The following CLASRP variants were observed in gnomAD, a reference collection of about 807,000 sequenced individuals.
CLASRP encodes the protein CLK4-associating serine/arginine rich protein.
Under a neutral mutation model 99.9 loss-of-function variants are expected in CLASRP, and 52 were observed. The ratio of observed to expected loss-of-function variants is 0.52; its 90% CI spans 0.42 to 0.66. The LOEUF is 0.66. CLASRP is among the 30% of genes least tolerant of loss of function. CLASRP has a pLI of 0.00. For synonymous variants in CLASRP, 379 were observed against 373.0 expected (o/e 1.02, Z -0.18); for missense variants, 848 against 999.2 (o/e 0.85, Z 2.04).
rs1967201593 is a variant in CLASRP, at chr19:45,070,102, A to G, written c.1955A>G (p.Tyr652Cys). The G allele has an allele frequency of 6.4e-7, 1 of 1,560,652 alleles. No homozygotes were observed. Among genetic ancestry groups the G allele is most frequent in the South Asian group, 1.1e-5 (1 of 90,060 alleles). ...CAGAGCCGCTCACCCTCCCCCCGAT[A>G]CAGTGAGTGTCCCCACCAGGCTGCA... Reference protein sequence around the residue: ...SRQSRSPSPRYSREYSSSRRR... With the variant: ...SRQSRSPSPRCSREYSSSRRR... Residue 652 changes from tyrosine to cysteine, a missense_variant and splice_region_variant, in exon 19 of 21, where the codon TAC (tyrosine) becomes TGC (cysteine). Around this residue, in one of 8 missense-constraint regions of CLASRP, gnomAD observed 116 missense variants for 162.7 expected, o/e 0.71. Transcript: ENST00000221455.
chr19:45,040,918 T>G (rs558163157), intron 2 of CLASRP, among the ~76,000 whole-genome samples: 4 of 151,612 alleles, frequency 2.6e-5, no homozygotes, highest in African/African-American at 9.7e-5. Context: ...GCATGGAGAT[T>G]GTGCCACTGA....
At chr19:45,058,231 C>T (rs1164393817) in intron 7 of CLASRP, 4 of 326,096 alleles carry the variant, frequency 1.2e-5, no homozygotes, top group Non-Finnish European at 2.4e-5. Flanking sequence ...AACAAGTGTT[C>T]ATCCTCTTAC....
intron 13 of CLASRP, among the ~76,000 whole-genome samples, chr19:45,064,996 CG>C (rs1431254052): frequency 2.0e-5 from 3 of 151,808 alleles, no homozygotes; most frequent in Non-Finnish European, 4.4e-5. Context: ...CTTGAAGGGA[CG>C]GGTCCGGGCC....
Position 45,068,495 on chromosome 19 carries a change from G to A in CLASRP, c.1768+15G>A. 1 of 1,595,786 alleles carries A rather than the reference G, an allele frequency of 6.3e-7. No individual in the cohort carries two copies. The highest frequency in any genetic ancestry group is 1.1e-5 in the South Asian group (1 of 90,746). ...GAACAGGCAGTGTATGTTCTGCCCT[G>A]TCCCTCCAGGGTTTCACAGCTCTTC... On this transcript the variant is annotated intron_variant, in intron 16 of 20. Transcript: ENST00000221455.
At chr19:45,052,000 T>C (rs1047335138) in intron 2 of CLASRP, 71 bp from the exon 3 acceptor site, 2 of 1,175,632 alleles carry the variant, frequency 1.7e-6, no homozygotes, top group African/African-American at 1.6e-5. Flanking sequence ...GCTGCTAAGC[T>C]CGGTTGTGTG....
At chr19:45,063,717 TG>T (rs1360356581) in intron 11 of CLASRP, among the ~76,000 whole-genome samples, 4 of 152,248 alleles carry the variant, frequency 2.6e-5, no homozygotes, top group Non-Finnish European at 5.9e-5. Context: ...CCCACAGTGC[TG>T]GGATTACAGG....
At chr19:45,068,522 T>G (rs755322477) in intron 16 of CLASRP, 42 bp downstream of exon 16, 4 of 1,492,272 alleles carry the variant, frequency 2.7e-6, no homozygotes, top group Non-Finnish European at 3.7e-6. Flanking sequence ...CAGCTCTTCT[T>G]TCCCTTGGCA....
At position 45,064,509 on chromosome 19, in the gene CLASRP, C is replaced by T. The variant is rs1568420694; in HGVS notation, c.1288C>T (p.Arg430Trp). 5.2e-6 allele frequency: 8 copies of T among 1,536,950 alleles called. No homozygotes were observed. The highest frequency in any genetic ancestry group is 2.0e-5 in the Admixed American group (1 of 50,902). Residue 430 changes from arginine (R) to tryptophan (W), a missense_variant, in exon 13 of 21, where the codon CGG becomes TGG. Physicochemically the swap from Arg to Trp is moderately radical, Grantham distance 101 (BLOSUM62 -3). Coordinates refer to ENST00000221455, the MANE Select transcript of CLASRP (RefSeq NM_007056.3). The part of the protein sequence containing the change: ...RSWSRSRSRS[R>W]RYSRSRSRGR... ...CTGGTCCCGCTCCCGCTCCCGCTCCCGGCGCTATTCCCGGTCCCGTAGCCG... is the reference window on the plus strand; with the variant it reads ...CTGGTCCCGCTCCCGCTCCCGCTCCTGGCGCTATTCCCGGTCCCGTAGCCG...
At position 45,059,432 on chromosome 19, in the gene CLASRP, C is replaced by G. The variant is rs555648853; in HGVS notation, c.710+68C>G. 4.1e-5 allele frequency: 52 copies of G among 1,276,018 alleles called. No homozygotes were observed. In the African/African-American group the frequency reaches 7.2e-4, roughly 18 times the overall value. 79.0% of individuals were successfully genotyped at this position (1,276,018 alleles called of 1,614,324 possible). ...CACCCTGGCATCTCACTATTACTCC[C>G]GGTATTGACAGCCATCCTGTTTGTG... On this transcript the variant is annotated intron_variant, in intron 8 of 20. Coordinates refer to ENST00000221455, the MANE Select transcript of CLASRP (RefSeq NM_007056.3).
intron 7 of CLASRP, chr19:45,058,179 C>A: frequency 2.2e-6 from 1 of 461,912 alleles, no homozygotes; most frequent in Non-Finnish European, 4.0e-6. Flanking sequence ...CGGCCTCTCT[C>A]TGCCTTTGCC....
chr19:45,069,963 C>T (rs1484004063), intron 18 of CLASRP, 59 bp from the exon 19 acceptor site: 3 of 951,296 alleles, frequency 3.2e-6, no homozygotes, highest in South Asian at 1.3e-5. Flanking sequence ...AGCACCTGCC[C>T]TCCCTGAGTT....
intron 6 of CLASRP, among the ~76,000 whole-genome samples, chr19:45,057,318 G>A (rs1169928383): frequency 1.3e-5 from 2 of 152,324 alleles, no homozygotes; most frequent in East Asian, 1.9e-4. Flanking sequence ...TGTACTGGGA[G>A]CTTCTTGGAG....
chr19:45,070,861 G>C lies in CLASRP; in HGVS notation c.*16G>C, dbSNP rs574214727. Reference sequence around the variant, plus strand: ...CCGACATTAGGCAGAAGAGTGGGGGGTGGGGAGGACAAGGGGGTGGGTAAG... The same window carrying C: ...CCGACATTAGGCAGAAGAGTGGGGGCTGGGGAGGACAAGGGGGTGGGTAAG... On this transcript the variant is annotated 3_prime_UTR_variant, in exon 21 of 21. Transcript: ENST00000221455. 1.3e-6 allele frequency: 2 copies of C among 1,514,236 alleles called. No individual in the cohort carries two copies. The highest frequency in any genetic ancestry group is 4.5e-5 in the East Asian group (2 of 44,280). The allele number at this position is 1,514,236 out of a possible 1,614,324, so 93.8% of individuals were successfully genotyped here.
chr19:45,066,367 C>A (rs1048916240), intron 13 of CLASRP, among the ~76,000 whole-genome samples: 1 of 152,120 alleles, frequency 6.6e-6, no homozygotes, highest in South Asian at 2.1e-4. Flanking sequence ...ATCCACCCAC[C>A]TTTGCCTCCC....
Position 45,062,197 on chromosome 19 carries a change from TA to T in CLASRP, c.905+4del. The T allele has an allele frequency of 6.6e-7, 1 of 1,505,548 alleles. No individual in the cohort carries two copies. The highest frequency in any genetic ancestry group is 9.2e-7 in the Non-Finnish European group (1 of 1,081,526). 93.3% of individuals were successfully genotyped at this position (1,505,548 alleles called of 1,614,324 possible). On this transcript the variant is annotated splice_donor_region_variant and intron_variant, in intron 11 of 20. Coordinates refer to ENST00000221455, the MANE Select transcript of CLASRP (RefSeq NM_007056.3). ...CCCCACCTATGACCCCTATAAGCGG[TA>T]AGTTGCTCTGGAGGACCAGGGAATA...
chr19:45,041,145 G>A (rs765622088), intron 2 of CLASRP, among the ~76,000 whole-genome samples: 1 of 151,748 alleles, frequency 6.6e-6, no homozygotes, highest in African/African-American at 2.4e-5. Context: ...GGTGTGAACC[G>A]GGGAGGGGGG....
At chr19:45,066,023 C>T (rs1008827338) in intron 13 of CLASRP, among the ~76,000 whole-genome samples, 4 of 152,190 alleles carry the variant, frequency 2.6e-5, no homozygotes, top group South Asian at 2.1e-4. Context: ...TCCCTCCAGT[C>T]GGGGCGTTGA....
intron 2 of CLASRP, among the ~76,000 whole-genome samples, chr19:45,041,349 G>A (rs1971809988): frequency 6.6e-6 from 1 of 152,050 alleles, no homozygotes; most frequent in African/African-American, 2.4e-5. Flanking sequence ...ACTATCCCTG[G>A]CCTAAAAGAC....
At chr19:45,068,324 C>A (rs1398611946) in intron 15 of CLASRP, 96 bp from the exon 16 acceptor site, 5 of 619,136 alleles carry the variant, frequency 8.1e-6, no homozygotes, top group South Asian at 7.7e-5. Context: ...CCCCCCCACC[C>A]CCCCCCCGCA....
Sources: gnomAD v4.1 joint callset for allele counts (sites outside exome capture counted in the v4.1 genomes callset) on GRCh38, gnomAD v4.1.1 for gene constraint, gnomAD v4.1.1 regional missense constraint, MANE v1.5 for transcripts, NCBI Gene and HGNC (gene_info 2026-07-23, HGNC 2026-07-21) for gene names.